SEMA5A: variants seen among roughly 807,000 people sequenced by gnomAD.
The protein encoded by SEMA5A is semaphorin-5A.
In SEMA5A, 55 loss-of-function variants were observed where a neutral mutation model predicts 135.5. That is an observed-to-expected ratio of 0.41 (90% CI 0.33 to 0.51). The LOEUF is 0.51. Ranked by LOEUF, SEMA5A falls within the 20% of genes least tolerant of loss-of-function variation. SEMA5A has a pLI of 0.37. For synonymous variants in SEMA5A, 580 were observed against 546.5 expected (o/e 1.06, Z -0.85); for missense variants, 1,290 against 1,419.9 (o/e 0.91, Z 1.47).
chr5:9,455,903 G>A (rs1758815185), intron 1 of SEMA5A, among the ~76,000 whole-genome samples: 1 of 152,202 alleles, frequency 6.6e-6, no homozygotes, highest in South Asian at 2.1e-4. Context: ...AAAACTTACA[G>A]AAGACCCTTC....
intron 5 of SEMA5A, among the ~76,000 whole-genome samples, chr5:9,266,052 CTGTT>C (rs757977411): frequency 6.6e-6 from 1 of 152,228 alleles, no homozygotes; most frequent in Non-Finnish European, 1.5e-5. Flanking sequence ...ATTTCCCAAT[CTGTT>C]TGTGAACAAA....
intron 1 of SEMA5A, among the ~76,000 whole-genome samples, chr5:9,462,535 T>C (rs1336257255): frequency 6.6e-6 from 1 of 152,182 alleles, no homozygotes; most frequent in Admixed American, 6.5e-5. Flanking sequence ...TGTATGTTCA[T>C]TGCAGCACTA....
At chr5:9,249,341 T>C (rs1045977439) in intron 5 of SEMA5A, among the ~76,000 whole-genome samples, 6 of 152,174 alleles carry the variant, frequency 3.9e-5, no homozygotes, top group African/African-American at 1.4e-4. Flanking sequence ...CTGACTTAAA[T>C]GTGCACAACA....
intron 5 of SEMA5A, among the ~76,000 whole-genome samples, chr5:9,296,587 T>C (rs1751344047): frequency 6.6e-6 from 1 of 152,182 alleles, no homozygotes; most frequent in Non-Finnish European, 1.5e-5. Context: ...TGTTTTTTAA[T>C]TATGTATTTC....
At chr5:9,171,859 C>A (rs1386345623) in intron 11 of SEMA5A, among the ~76,000 whole-genome samples, 1 of 152,144 alleles carries the variant, frequency 6.6e-6, no homozygotes, top group East Asian at 1.9e-4. Flanking sequence ...CGGGCACCAA[C>A]TTACAGGGCA....
At chr5:9,464,951 T>C (rs1346311138) in intron 1 of SEMA5A, among the ~76,000 whole-genome samples, 6 of 152,230 alleles carry the variant, frequency 3.9e-5, no homozygotes, top group South Asian at 2.1e-4. Context: ...TGCGGACCTG[T>C]GGCTCGTGTT....
chr5:9,422,495 T>C (rs1230020981), intron 2 of SEMA5A: 2 of 152,232 alleles, frequency 1.3e-5, no homozygotes, highest in Non-Finnish European at 2.9e-5. Flanking sequence ...GAACCGACTG[T>C]CTTTTTCTTT....
chr5:9,224,565 A>C, intron 8 of SEMA5A, 109 bp downstream of exon 8: 1 of 928,958 alleles, frequency 1.1e-6, no homozygotes, highest in Non-Finnish European at 1.7e-6. Flanking sequence ...TTTCTTTAGA[A>C]GATGAAGAAT....
intron 1 of SEMA5A, among the ~76,000 whole-genome samples, chr5:9,497,803 A>G (rs1735380524): frequency 1.3e-5 from 2 of 152,198 alleles, no homozygotes; most frequent in Admixed American, 1.3e-4. Flanking sequence ...ATTTGCCTTC[A>G]TTAATTTCTT....
At chr5:9,521,269 G>C (rs1736812652) in intron 1 of SEMA5A, among the ~76,000 whole-genome samples, 2 of 152,180 alleles carry the variant, frequency 1.3e-5, no homozygotes, top group African/African-American at 4.8e-5. Flanking sequence ...AATTAGCCGG[G>C]CGTGGTGGCG....
intron 1 of SEMA5A, among the ~76,000 whole-genome samples, chr5:9,484,251 G>A (rs1356182053): frequency 6.6e-6 from 1 of 152,202 alleles, no homozygotes; most frequent in Non-Finnish European, 1.5e-5. Flanking sequence ...ACTGAAGGCT[G>A]TGTTCCCAGT....
At chr5:9,071,224 G>A (rs543424937) in intron 16 of SEMA5A, among the ~76,000 whole-genome samples, 1 of 152,180 alleles carries the variant, frequency 6.6e-6, no homozygotes, top group East Asian at 1.9e-4. Flanking sequence ...CCTGCAACCC[G>A]GGAGACACTC....
intron 3 of SEMA5A, among the ~76,000 whole-genome samples, chr5:9,341,046 G>A (rs1445225244): frequency 2.6e-5 from 4 of 151,770 alleles, no homozygotes; most frequent in Admixed American, 6.6e-5. Context: ...CTGCCTATAT[G>A]TACATCCTCT....
At chr5:9,411,059 A>G (rs1757091412) in intron 2 of SEMA5A, among the ~76,000 whole-genome samples, 2 of 151,988 alleles carry the variant, frequency 1.3e-5, no homozygotes, top group African/African-American at 4.8e-5. Context: ...TGTGTAACCT[A>G]AATAAAATAG....
At chr5:9,531,547 A>G (rs1395073620) in intron 1 of SEMA5A, among the ~76,000 whole-genome samples, 1 of 152,096 alleles carries the variant, frequency 6.6e-6, no homozygotes, top group Non-Finnish European at 1.5e-5. Context: ...TCACTGTCCC[A>G]CACCCCACTC....
intron 5 of SEMA5A, among the ~76,000 whole-genome samples, chr5:9,262,195 G>A (rs1412498595): frequency 1.3e-5 from 1 of 78,750 alleles, no homozygotes; most frequent in African/African-American, 5.7e-5. Flanking sequence ...ACCACTATGA[G>A]ATATCATCTC....
At chr5:9,220,230 A>G (rs889080219) in intron 8 of SEMA5A, among the ~76,000 whole-genome samples, 4 of 152,192 alleles carry the variant, frequency 2.6e-5, no homozygotes, top group Non-Finnish European at 5.9e-5. Flanking sequence ...AGTGGGGGAT[A>G]AAAGACTATA....
intron 11 of SEMA5A, among the ~76,000 whole-genome samples, chr5:9,185,929 G>A (rs1744782785): frequency 6.6e-6 from 1 of 152,150 alleles, no homozygotes; most frequent in African/African-American, 2.4e-5. Flanking sequence ...GACTGCGAGG[G>A]ACTGTCACAG....
chr5:9,394,508 C>T (rs1756305034), intron 2 of SEMA5A, among the ~76,000 whole-genome samples: 1 of 152,170 alleles, frequency 6.6e-6, no homozygotes, highest in Admixed American at 6.5e-5. Context: ...TGGCCACTCA[C>T]TGCCCACCAA....
Sources: allele counts gnomAD v4.1 joint callset (sites outside exome capture counted in the v4.1 genomes callset), GRCh38; gene constraint gnomAD v4.1.1; transcripts MANE v1.5; gene names NCBI Gene and HGNC (gene_info 2026-07-23, HGNC 2026-07-21).